Variants in CCDC42 observed in about 807,000 individuals in gnomAD.
The protein encoded by CCDC42 is coiled-coil domain containing 42.
In CCDC42, 38 loss-of-function variants were observed where a neutral mutation model predicts 40.8. The ratio of observed to expected loss-of-function variants is 0.93; its 90% CI spans 0.72 to 1.22. CCDC42 has a LOEUF of 1.22. Ranked by LOEUF, CCDC42 falls within the 50% of genes most tolerant of loss-of-function variation. The pLI is 0.00. For synonymous variants in CCDC42, 135 were observed against 157.5 expected, an observed-to-expected ratio of 0.86 and a Z score of 1.07; for missense variants, 379 against 416.5, an observed-to-expected ratio of 0.91 and a Z score of 0.78.
chr17:8,740,108 A>T (rs1347823233), intron 4 of CCDC42, among the ~76,000 whole-genome samples: 3 of 152,132 alleles, frequency 2.0e-5, no homozygotes, highest in Admixed American at 2.0e-4. Flanking sequence ...AGGTGCCTCC[A>T]TCTGCCCTAG....
chr17:8,742,914 T>C (rs1166134201), intron 3 of CCDC42, among the ~76,000 whole-genome samples: 1 of 152,208 alleles, frequency 6.6e-6, no homozygotes, highest in Non-Finnish European at 1.5e-5. Context: ...TAAGTGTTTC[T>C]CTGGCTGCTA....
chr17:8,744,555 A>G lies in CCDC42; in HGVS notation c.55T>C (p.Tyr19His), dbSNP rs750526989. The G allele has an allele frequency of 1.9e-6, 3 of 1,612,450 alleles. No homozygotes were observed. The highest frequency in any genetic ancestry group is 1.7e-6 in the Non-Finnish European group (2 of 1,179,972). ...AGCATCTGCAGCAGCCGCTCCCCAT[A>G]CTGCAGCCGGAAGTACTCGGCCAGG... Reference protein sequence around the residue: ...EDLAEYFRLQYGERLLQMLQK... With the variant: ...EDLAEYFRLQHGERLLQMLQK... The change falls in exon 1 of 7, where the codon TAT becomes CAT. Residue 19 changes from tyrosine (Y) to histidine (H), a missense_variant. Coordinates refer to ENST00000293845, the MANE Select transcript of CCDC42 (RefSeq NM_144681.3).
chr17:8,742,763 C>A (rs1219477744), intron 3 of CCDC42, among the ~76,000 whole-genome samples: 1 of 152,244 alleles, frequency 6.6e-6, no homozygotes, highest in Non-Finnish European at 1.5e-5. Flanking sequence ...CTGGGCCCAA[C>A]CTCAGACGTG....
intron 4 of CCDC42, among the ~76,000 whole-genome samples, chr17:8,740,649 G>A (rs1308241744): frequency 6.6e-6 from 1 of 152,114 alleles, no homozygotes; most frequent in Non-Finnish European, 1.5e-5. Context: ...AGGGCAGAGG[G>A]GGGTTTCCGG....
In CCDC42 at chr17:8,735,522, C is replaced by T; in HGVS notation, c.582G>A (p.Glu194=). ...GCCGGGCCTTGGCGCGCTCAATCTTCTCCTGGCCTTCCTGCGCAGACTGCA... is the reference window on the plus strand; with the variant it reads ...GCCGGGCCTTGGCGCGCTCAATCTTTTCCTGGCCTTCCTGCGCAGACTGCA... ...DLMQSAQEGQ[E]KIERAKARLA... Residue 194 remains glutamate, a synonymous_variant, in exon 5 of 7, where the codon GAG becomes GAA. Transcript: ENST00000293845. This position sits in a 1 kb window ranked among gnomAD's most constrained non-coding sequence, Gnocchi z 4.7. 6.2e-7 allele frequency: 1 copy of T among 1,614,148 alleles called. No individual in the cohort carries two copies. Among genetic ancestry groups the T allele is most frequent in the South Asian group, 1.1e-5 (1 of 91,088 alleles).
At chr17:8,732,903 A>C (rs901734495) in intron 6 of CCDC42, among the ~76,000 whole-genome samples, 3 of 152,202 alleles carry the variant, frequency 2.0e-5, no homozygotes, top group Admixed American at 2.0e-4. Context: ...CCTTCTGCAG[A>C]ATCGCTTTTC....
Position 8,744,755 on chromosome 17 carries a change from C to T in CCDC42, c.-146G>A. On this transcript the variant is annotated 5_prime_UTR_variant, in exon 1 of 7. Transcript: ENST00000293845. ...CCCACAGATGATGGAGTTTGAGACTCCACAGAAGGTGGCTGGAGACAGGTT... is the reference window on the plus strand; with the variant it reads ...CCCACAGATGATGGAGTTTGAGACTTCACAGAAGGTGGCTGGAGACAGGTT... 1.5e-6 allele frequency: 1 copy of T among 649,070 alleles called. No homozygotes were observed. The highest frequency in any genetic ancestry group is 1.7e-5 in the South Asian group (1 of 57,344). 40.2% of individuals were successfully genotyped at this position (649,070 alleles called of 1,614,324 possible).
chr17:8,735,679 C>T lies in CCDC42; in HGVS notation c.493-68G>A, dbSNP rs951628477. The T allele has an allele frequency of 2.0e-5, 27 of 1,364,196 alleles. No individual in the cohort carries two copies. In the Admixed American group the frequency reaches 5.3e-4, roughly 27 times the overall value. 84.5% of individuals were successfully genotyped at this position (1,364,196 alleles called of 1,614,324 possible). The stretch of plus-strand genomic sequence containing the variant: ...GCCTGAGGGAGCCACCCAGTCCTGC[C>T]AACCTCCAGCCTGGATGCCTGGACA... On this transcript the variant is annotated intron_variant, in intron 4 of 6. Transcript: ENST00000293845. The surrounding 1 kb of genome is among the most constrained non-coding windows in gnomAD (Gnocchi z 4.7).
At chr17:8,734,017 A>G (rs1328584550) in intron 6 of CCDC42, among the ~76,000 whole-genome samples, 21 of 151,982 alleles carry the variant, frequency 1.4e-4, no homozygotes, top group Admixed American at 4.6e-4. Context: ...AGGAGTTTCC[A>G]TGACATATGC....
Position 8,741,554 on chromosome 17 carries a change from C to T in CCDC42, c.412G>A (p.Glu138Lys). Residue 138 changes from glutamate to lysine, a missense_variant, in exon 4 of 7, where the codon GAG becomes AAG. By Grantham distance (56) the Glu-to-Lys change is moderately conservative. Transcript: ENST00000293845. ...AGCTTGGCGCTCAGCCGCTGGTGCT[C>T]CAGCCGCAGCGCCACCATCTCCTGC... Reference protein sequence around the residue: ...RKQEMVALRLEHQRLSAKLKD... With the variant: ...RKQEMVALRLKHQRLSAKLKD... The T allele has an allele frequency of 1.2e-6, 2 of 1,614,224 alleles. No homozygotes were observed. The highest frequency in any genetic ancestry group is 8.5e-7 in the Non-Finnish European group (1 of 1,180,038).
chr17:8,732,298 C>CAAA (rs58310263), intron 6 of CCDC42, among the ~76,000 whole-genome samples: 9 of 71,574 alleles, frequency 1.3e-4, no homozygotes, highest in East Asian at 9.1e-4. Context: ...GACTCCGTCT[C>CAAA]AAAAAAAAAA....
intron 3 of CCDC42, among the ~76,000 whole-genome samples, chr17:8,741,978 C>T (rs2086648786): frequency 6.6e-6 from 1 of 152,034 alleles, no homozygotes; most frequent in Non-Finnish European, 1.5e-5. Flanking sequence ...GGAAATGGTT[C>T]TTTCCTGTGG....
At chr17:8,738,593 G>A (rs2152143626) in intron 4 of CCDC42, among the ~76,000 whole-genome samples, 1 of 151,924 alleles carries the variant, frequency 6.6e-6, no homozygotes, top group East Asian at 1.9e-4. Flanking sequence ...AGCCTCCGGA[G>A]TAGCTGAGAT....
chr17:8,742,702 T>G (rs2086652687), intron 3 of CCDC42, among the ~76,000 whole-genome samples: 1 of 152,158 alleles, frequency 6.6e-6, no homozygotes, highest in African/African-American at 2.4e-5. Context: ...GACTTTCAAA[T>G]CCACCTGGTC....
rs2086602444 is a variant in CCDC42, at chr17:8,735,192, A to T, written c.777T>A (p.Ile259=). The change falls in exon 6 of 7, where the codon ATT becomes ATA. Residue 259 remains isoleucine (I), a synonymous_variant. Coordinates refer to ENST00000293845, the MANE Select transcript of CCDC42 (RefSeq NM_144681.3). The surrounding 1 kb of genome is among the most constrained non-coding windows in gnomAD (Gnocchi z 4.7). ...AAKKTLLLGT[I]KMATLNLFQI... ...GGAAGAGGTTCAGCGTGGCCATCTT[A>T]ATGGTGCCAAGCAGGAGGGTCTTCT... 6.2e-7 allele frequency: 1 copy of T among 1,613,852 alleles called. No individual in the cohort carries two copies. Among genetic ancestry groups the T allele is most frequent in the Non-Finnish European group, 8.5e-7 (1 of 1,179,998 alleles).
rs2151140348 is a variant in CCDC42, at chr17:8,741,726, C to T, written c.295-55G>A. On this transcript the variant is annotated intron_variant, in intron 3 of 6. Coordinates refer to ENST00000293845, the MANE Select transcript of CCDC42 (RefSeq NM_144681.3). ...GAAGCCTCGCCCAGCCCTCCCGGGG[C>T]CCAGGCCTTCCTGGGGCTGGTGGTG... 3.2e-6 allele frequency: 5 copies of T among 1,550,888 alleles called. No individual in the cohort carries two copies. The Admixed American group carries it at 7.5e-5, about 23-fold the overall frequency.
intron 3 of CCDC42, among the ~76,000 whole-genome samples, chr17:8,743,304 G>C (rs2086655998): frequency 6.6e-6 from 1 of 152,154 alleles, no homozygotes; most frequent in Non-Finnish European, 1.5e-5. Context: ...TATTTCCCAA[G>C]TGTTTAGTCC....
chr17:8,735,025 C>T lies in CCDC42; in HGVS notation c.873+71G>A. On this transcript the variant is annotated intron_variant, in intron 6 of 6. Transcript: ENST00000293845. This position sits in a 1 kb window ranked among gnomAD's most constrained non-coding sequence, Gnocchi z 4.7. ...CTGCTTCTCTGTCAGGTTCATTCTTCCACCCAACCAACTGGCAACCTCCTC... is the reference window on the plus strand; with the variant it reads ...CTGCTTCTCTGTCAGGTTCATTCTTTCACCCAACCAACTGGCAACCTCCTC... 6.5e-7 allele frequency: 1 copy of T among 1,540,190 alleles called. No individual in the cohort carries two copies. The highest frequency in any genetic ancestry group is 8.9e-7 in the Non-Finnish European group (1 of 1,121,310).
chr17:8,744,160 C>T lies in CCDC42; in HGVS notation c.108G>A (p.Ala36=), dbSNP rs374995488. ...GTAGCCAGATGGATGGGGACTCCGA[C>T]GCCCCCTCAACATTGGGGAGTTTCC... ...MLQKLPNVEG[A]SESPSIWLLE... Residue 36 remains alanine (A), a synonymous_variant, in exon 2 of 7, where the codon GCG becomes GCA. Coordinates refer to ENST00000293845, the MANE Select transcript of CCDC42 (RefSeq NM_144681.3). The T allele has an allele frequency of 8.1e-6, 13 of 1,613,830 alleles. No individual in the cohort carries two copies. Among genetic ancestry groups the T allele is most frequent in the East Asian group, 2.2e-5 (1 of 44,868 alleles).
Sources: gnomAD v4.1 joint callset for allele counts (sites outside exome capture counted in the v4.1 genomes callset) on GRCh38, gnomAD v4.1.1 for gene constraint, Gnocchi (gnomAD v3.1) non-coding constraint, MANE v1.5 for transcripts, NCBI Gene and HGNC (gene_info 2026-07-23, HGNC 2026-07-21) for gene names.